DMXL2: variants seen among roughly 807,000 people sequenced by gnomAD.
DMXL2 encodes the protein Dmx like 2.
In DMXL2, 103 loss-of-function variants were observed where a neutral mutation model predicts 331.1. The ratio of observed to expected loss-of-function variants is 0.31; its 90% CI spans 0.27 to 0.37. The LOEUF is 0.37. Among genes scored for constraint, DMXL2 ranks in the 10% least tolerant of loss-of-function variants. DMXL2 has a pLI of 1.00. For synonymous variants in DMXL2, 1,281 were observed against 1,252.1 expected (o/e 1.02, Z -0.49); for missense variants, 3,171 against 3,642.9 (o/e 0.87, Z 3.33).
At chr15:51,619,575 C>A (rs986624715) in intron 1 of DMXL2, among the ~76,000 whole-genome samples, 4 of 152,208 alleles carry the variant, frequency 2.6e-5, no homozygotes, top group African/African-American at 9.6e-5. Flanking sequence ...CGCCACCCAC[C>A]ATGCACAGCA....
chr15:51,522,658 C>A (rs1043792079), intron 13 of DMXL2, among the ~76,000 whole-genome samples: 7 of 151,986 alleles, frequency 4.6e-5, no homozygotes, highest in Non-Finnish European at 1.0e-4. Flanking sequence ...AAAATAAAAA[C>A]ATAAAATAAA....
At chr15:51,514,734 G>T (rs1429054896) in intron 14 of DMXL2, among the ~76,000 whole-genome samples, 175 bp from the exon 15 acceptor site, 3 of 151,120 alleles carry the variant, frequency 2.0e-5, no homozygotes, top group Non-Finnish European at 4.4e-5. Flanking sequence ...AAACTATCCT[G>T]GTCAGAGAAA....
In DMXL2 at chr15:51,526,658, C is replaced by T. The variant is rs1412920302; in HGVS notation, c.2436+9005G>A. ...AAACTCAAAGAAATTCAAGATAACA[C>T]AGACAACAAATTCAGAATTCTATCA... On this transcript the variant is annotated intron_variant, in intron 13 of 43. Transcript: ENST00000560891. 3.3e-5 allele frequency among the ~76,000 whole-genome samples: 5 copies of T among 152,284 alleles called. No homozygotes were observed. In the East Asian group the frequency reaches 5.8e-4, roughly 18 times the overall value.
At chr15:51,473,260 T>C (rs753455534) in intron 28 of DMXL2, among the ~76,000 whole-genome samples, 1 of 152,188 alleles carries the variant, frequency 6.6e-6, no homozygotes, top group Non-Finnish European at 1.5e-5. Flanking sequence ...GTTCTTATCA[T>C]TACCTGAAAT....
chr15:51,568,696 T>C (rs968460333), intron 2 of DMXL2, 138 bp from the exon 3 acceptor site: 11 of 629,890 alleles, frequency 1.7e-5, no homozygotes, highest in Admixed American at 3.9e-5. Context: ...TAAATATACC[T>C]GGAAGTGTAC....
intron 28 of DMXL2, among the ~76,000 whole-genome samples, chr15:51,472,067 A>C (rs2041165414): frequency 6.6e-6 from 1 of 152,212 alleles, no homozygotes; most frequent in Admixed American, 6.5e-5. Flanking sequence ...GCCTGCACTA[A>C]TATGGTGGGT....
intron 1 of DMXL2, among the ~76,000 whole-genome samples, chr15:51,610,511 G>C (rs2053886445): frequency 6.6e-6 from 1 of 152,184 alleles, no homozygotes; most frequent in Non-Finnish European, 1.5e-5. Flanking sequence ...GCTCACGCCT[G>C]TAATCCCAGA....
chr15:51,517,523 T>G (rs1596089425), intron 13 of DMXL2, among the ~76,000 whole-genome samples: 1 of 152,154 alleles, frequency 6.6e-6, no homozygotes, highest in Non-Finnish European at 1.5e-5. Flanking sequence ...AGACCGAAGG[T>G]AAGGGCAAGG....
At chr15:51,540,568 T>C (rs149395555) in intron 9 of DMXL2, among the ~76,000 whole-genome samples, 2 of 152,244 alleles carry the variant, frequency 1.3e-5, no homozygotes, top group East Asian at 1.9e-4. Context: ...TAATATGTGG[T>C]AAATCTCGGT....
chr15:51,459,517 G>T, intron 34 of DMXL2, 81 bp downstream of exon 34: 6 of 1,177,008 alleles, frequency 5.1e-6, no homozygotes, highest in Non-Finnish European at 6.8e-6. Flanking sequence ...CAGTTGGGCA[G>T]GTCATGGTTA....
Position 51,519,647 on chromosome 15 carries a change from T to TG in DMXL2, c.2437-2481_2437-2480insC, listed in dbSNP as rs1191484103. Among the ~76,000 whole-genome samples the TG allele has an allele frequency of 2.8e-5, 4 of 145,252 alleles. No individual in the cohort carries two copies. The East Asian group carries it at 5.9e-4, about 21-fold the overall frequency. On this transcript the variant is annotated intron_variant, in intron 13 of 43. Transcript: ENST00000560891. ...TGACAAAGTCTCTTGTTTTTTTTTT[T>TG]TTTTTTTTTTTTGAGATGGAGTTTC...
At position 51,474,444 on chromosome 15, in the gene DMXL2, C is replaced by A. The variant is rs150387200; in HGVS notation, c.7113G>T (p.Arg2371=). ...LATNSSSELF[R]LAAHPLNNRM... ...GATTATTTAATGGGTGGGCTGCAAG[C>A]CGAAATAATTCACTGGAGGAATTTG... The change falls in exon 28 of 44, where the codon CGG becomes CGT. Residue 2371 remains arginine, a synonymous_variant. Transcript: ENST00000560891. 3.2e-5 allele frequency: 51 copies of A among 1,614,152 alleles called. No homozygotes were observed. In the African/African-American group the frequency reaches 6.4e-4, roughly 20 times the overall value.
chr15:51,470,339 C>G (rs1344118754), intron 29 of DMXL2, among the ~76,000 whole-genome samples: 1 of 152,070 alleles, frequency 6.6e-6, no homozygotes, highest in Non-Finnish European at 1.5e-5. Context: ...CTATGTTGTC[C>G]AGGCTGGTCT....
chr15:51,547,087 T>C, intron 7 of DMXL2, 143 bp downstream of exon 7: 1 of 718,172 alleles, frequency 1.4e-6, no homozygotes, highest in South Asian at 2.3e-5. Context: ...CTCATGAAGC[T>C]AATAGTAGGA....
rs138017388 is a variant in DMXL2, at chr15:51,454,622, G to A, written c.8604+529C>T. Among the ~76,000 whole-genome samples the A allele has an allele frequency of 2.6e-3, 399 of 152,056 alleles. 17 individuals carry two copies. In the East Asian group the frequency reaches 0.062, roughly 24 times the overall value. Reference sequence around the variant, plus strand: ...AGCGATTCTCCTGCCTCAGCCTCCCGAGTAGCTGGGACTTCATGCACGTGT... The same window carrying A: ...AGCGATTCTCCTGCCTCAGCCTCCCAAGTAGCTGGGACTTCATGCACGTGT... On this transcript the variant is annotated intron_variant, in intron 40 of 43. Transcript: ENST00000560891.
chr15:51,494,961 T>C, intron 19 of DMXL2, 63 bp downstream of exon 19: 1 of 1,186,046 alleles, frequency 8.4e-7, no homozygotes, highest in Non-Finnish European at 1.2e-6. Flanking sequence ...ACAAACATGA[T>C]ACACCCCATC....
chr15:51,536,472 G>A lies in DMXL2; in HGVS notation c.2008C>T (p.His670Tyr). The change falls in exon 12 of 44, where the codon CAT becomes TAT. Residue 670 changes from histidine to tyrosine, a missense_variant. Transcript: ENST00000560891. ...TCAGGAGTCAATAGAGCATTATGAT[G>A]AGAGGATGTCAATAACAGTGGTAAA... ...SVLPLLLTSS[H>Y]HNALLTPELD... The A allele has an allele frequency of 6.2e-7, 1 of 1,614,038 alleles. No homozygotes were observed. The highest frequency in any genetic ancestry group is 8.5e-7 in the Non-Finnish European group (1 of 1,179,980).
chr15:51,520,061 C>T (rs1009210680), intron 13 of DMXL2, among the ~76,000 whole-genome samples: 9 of 152,230 alleles, frequency 5.9e-5, no homozygotes, highest in Admixed American at 5.9e-4. Context: ...AACTTCCTAT[C>T]CAGTCTCAGC....
chr15:51,455,303 C>A, intron 39 of DMXL2, 75 bp from the exon 40 acceptor site: 1 of 1,183,366 alleles, frequency 8.5e-7, no homozygotes, highest in South Asian at 1.2e-5. Flanking sequence ...AAGGAAGATT[C>A]ACTAAGGCCC....
Sources: gnomAD v4.1 joint callset for allele counts (sites outside exome capture counted in the v4.1 genomes callset) on GRCh38, gnomAD v4.1.1 for gene constraint, MANE v1.5 for transcripts, NCBI Gene and HGNC (gene_info 2026-07-23, HGNC 2026-07-21) for gene names.